Variants in MAP2K6 observed in about 807,000 individuals in gnomAD.
The protein encoded by MAP2K6 is mitogen-activated protein kinase kinase 6, also known as dual specificity mitogen-activated protein kinase kinase 6.
In MAP2K6, 16 loss-of-function variants were observed where a neutral mutation model predicts 53.7. The ratio of observed to expected loss-of-function variants is 0.30; its 90% CI spans 0.20 to 0.45. The LOEUF (loss-of-function observed/expected upper bound fraction) is 0.45, where lower values mean the gene tolerates loss of function less well. Ranked by LOEUF, MAP2K6 falls within the 20% of genes least tolerant of loss-of-function variation. The probability of loss-of-function intolerance (pLI) is 1.00; values close to 1 mark genes in which losing one functional copy is unlikely to be tolerated. For synonymous variants in MAP2K6, 132 were observed against 143.1 expected, an observed-to-expected ratio of 0.92 and a Z score of 0.55; for missense variants, 204 against 411.9, an observed-to-expected ratio of 0.50 and a Z score of 4.37.
intron 11 of MAP2K6, among the ~76,000 whole-genome samples, chr17:69,536,533 T>C (rs949737377): frequency 1.3e-5 from 2 of 149,738 alleles, no homozygotes; most frequent in African/African-American, 4.8e-5. Context: ...AAATGCTCTT[T>C]GACTGATCAA....
intron 10 of MAP2K6, among the ~76,000 whole-genome samples, chr17:69,534,699 T>A (rs1481520979): frequency 6.6e-6 from 1 of 152,134 alleles, no homozygotes; most frequent in East Asian, 1.9e-4. Flanking sequence ...ACGTCACACA[T>A]GCTAGGTCTC....
chr17:69,517,923 G>T (rs1159660451), intron 4 of MAP2K6, among the ~76,000 whole-genome samples: 1 of 152,130 alleles, frequency 6.6e-6, no homozygotes, highest in Non-Finnish European at 1.5e-5. Context: ...AGGTGTGGTG[G>T]CTCACGCCTG....
At chr17:69,486,059 G>C (rs1198192440) in intron 1 of MAP2K6, among the ~76,000 whole-genome samples, 1 of 152,118 alleles carries the variant, frequency 6.6e-6, no homozygotes, top group Non-Finnish European at 1.5e-5. Flanking sequence ...ACAAAGCAAA[G>C]AGCCTTGTGC....
In MAP2K6 at chr17:69,545,468, G is replaced by A. The variant is rs2144883941; in HGVS notation, c.*3715G>A. The A allele has an allele frequency of 6.6e-6, 1 of 152,270 alleles. No individual in the cohort carries two copies. The highest frequency in any genetic ancestry group is 6.5e-5 in the Admixed American group (1 of 15,302). The allele number at this position is 152,270 out of a possible 1,614,324, so 9.4% of individuals were successfully genotyped here. ...GTTAAGCCATCTGAAATGGAAACGA[G>A]TATGTATGGGCATGGCTTGAAATTG... On this transcript the variant is annotated 3_prime_UTR_variant, in exon 12 of 12. Coordinates refer to ENST00000590474, the MANE Select transcript of MAP2K6 (RefSeq NM_002758.4).
intron 1 of MAP2K6, among the ~76,000 whole-genome samples, chr17:69,455,299 AG>A (rs1907367566): frequency 6.6e-6 from 1 of 152,176 alleles, no homozygotes; most frequent in Admixed American, 6.5e-5. Context: ...ATACTGTTCC[AG>A]GGCTGATTAA....
At chr17:69,447,623 G>C (rs1027879614) in intron 1 of MAP2K6, among the ~76,000 whole-genome samples, 1 of 152,242 alleles carries the variant, frequency 6.6e-6, no homozygotes, top group African/African-American at 2.4e-5. Context: ...TGGGATTACA[G>C]GCGTGAGCCA....
chr17:69,451,776 C>A (rs1223693647), intron 1 of MAP2K6, among the ~76,000 whole-genome samples: 1 of 152,202 alleles, frequency 6.6e-6, no homozygotes, highest in Admixed American at 6.5e-5. Flanking sequence ...ACAGGCTGCC[C>A]CTGCAGAGGG....
At chr17:69,519,145 C>G (rs1437386258) in intron 4 of MAP2K6, among the ~76,000 whole-genome samples, 168 bp from the exon 5 acceptor site, 1 of 152,198 alleles carries the variant, frequency 6.6e-6, no homozygotes, top group Non-Finnish European at 1.5e-5. Flanking sequence ...GAGTAACAGC[C>G]TTCCTTATTT....
chr17:69,443,386 A>G (rs867750629), intron 1 of MAP2K6, among the ~76,000 whole-genome samples: 2 of 152,196 alleles, frequency 1.3e-5, no homozygotes, highest in South Asian at 4.1e-4. Context: ...GCCAGGTTAC[A>G]AGCTTCAGGA....
At chr17:69,423,605 A>G (rs1249376713) in intron 1 of MAP2K6, among the ~76,000 whole-genome samples, 1 of 152,186 alleles carries the variant, frequency 6.6e-6, no homozygotes, top group Admixed American at 6.5e-5. Context: ...GCTCAGCCAG[A>G]GACCTCTTGG....
chr17:69,423,704 G>A lies in MAP2K6; in HGVS notation c.16+8704G>A, dbSNP rs78831447. ...TCATTTCCTCTGAACTAAGTTACCC[G>A]TCTCCTTTTGCCCGTCCTGGGGTCT... is the stretch of plus-strand genomic sequence containing the variant. On this transcript the variant is annotated intron_variant, in intron 1 of 11. Transcript: ENST00000590474. Among the ~76,000 whole-genome samples the A allele has an allele frequency of 2.9e-3, 435 of 152,208 alleles. 1 individual carries two copies. Among genetic ancestry groups the A allele is most frequent in the African/African-American group, 9.6e-3 (398 of 41,530 alleles).
At chr17:69,522,242 A>G (rs1314185646) in intron 7 of MAP2K6, among the ~76,000 whole-genome samples, 1 of 152,190 alleles carries the variant, frequency 6.6e-6, no homozygotes, top group African/African-American at 2.4e-5. Flanking sequence ...GTTAGTTGTT[A>G]TTATTAAAAA....
chr17:69,491,819 A>AATAGCCT (rs1399251369), intron 1 of MAP2K6, among the ~76,000 whole-genome samples: 8 of 150,908 alleles, frequency 5.3e-5, no homozygotes, highest in South Asian at 2.1e-4. Context: ...TTTTGATTTG[A>AATAGCCT]TTCAGACTGG....
At chr17:69,490,862 C>T (rs963949357) in intron 1 of MAP2K6, among the ~76,000 whole-genome samples, 2 of 151,926 alleles carry the variant, frequency 1.3e-5, no homozygotes, top group Non-Finnish European at 2.9e-5. Flanking sequence ...TGATCCTCTC[C>T]CTCCCCCTCC....
Position 69,525,240 on chromosome 17 carries a change from G to A in MAP2K6, c.741+262G>A, listed in dbSNP as rs574429359. 3.3e-5 allele frequency among the ~76,000 whole-genome samples: 5 copies of A among 152,222 alleles called. No homozygotes were observed. In the East Asian group the frequency reaches 7.7e-4, roughly 24 times the overall value. On this transcript the variant is annotated intron_variant, in intron 9 of 11. Transcript: ENST00000590474. ...TTTGAGTAATTGTTACAGTCACATGGACTATCTTCCTATCCTCCTCTGTAA... is the reference window on the plus strand; with the variant it reads ...TTTGAGTAATTGTTACAGTCACATGAACTATCTTCCTATCCTCCTCTGTAA...
intron 2 of MAP2K6, among the ~76,000 whole-genome samples, chr17:69,513,781 C>T (rs1279621130): frequency 6.6e-6 from 1 of 152,062 alleles, no homozygotes; most frequent in Non-Finnish European, 1.5e-5. Context: ...GGCAAAAAAA[C>T]AGTTGCAGCC....
intron 1 of MAP2K6, among the ~76,000 whole-genome samples, chr17:69,419,913 C>CAAAAAAAAAAAA (rs56888655): frequency 7.3e-6 from 1 of 137,538 alleles, no homozygotes; most frequent in African/African-American, 2.7e-5. Context: ...GACTTCATCT[C>CAAAAAAAAAAAA]AAAAAAAAAA....
At chr17:69,498,996 A>T (rs1416830090) in intron 1 of MAP2K6, among the ~76,000 whole-genome samples, 1 of 152,178 alleles carries the variant, frequency 6.6e-6, no homozygotes, top group Non-Finnish European at 1.5e-5. Flanking sequence ...CACCGTGTTA[A>T]GAGTGACTGA....
chr17:69,527,619 C>T (rs184913270), intron 10 of MAP2K6, among the ~76,000 whole-genome samples: 126 of 152,244 alleles, frequency 8.3e-4, no homozygotes, highest in Admixed American at 1.3e-3. Flanking sequence ...GCCAGGTTAG[C>T]GTATTTGGCC....
Sources: gnomAD v4.1 joint callset for allele counts (sites outside exome capture counted in the v4.1 genomes callset) on GRCh38, gnomAD v4.1.1 for gene constraint, MANE v1.5 for transcripts, NCBI Gene and HGNC (gene_info 2026-07-23, HGNC 2026-07-21) for gene names.